The following DRAXIN variants were observed in gnomAD, a reference collection of about 807,000 sequenced individuals.
DRAXIN encodes dorsal repulsive axon guidance protein.
A neutral mutation model predicts 33.9 loss-of-function variants in DRAXIN; 27 were observed. That is an observed-to-expected ratio of 0.80 (90% confidence interval 0.59 to 1.10). The LOEUF (loss-of-function observed/expected upper bound fraction) is 1.10, where lower values mean the gene tolerates loss of function less well. Ranked by LOEUF, DRAXIN falls within the 50% of genes least tolerant of loss-of-function variation. The pLI, the probability that DRAXIN is intolerant of heterozygous loss-of-function variation, is 0.00. For missense variants in DRAXIN, 371 were observed against 460.8 expected (o/e 0.81, Z 1.78); for synonymous variants, 178 against 194.0 (o/e 0.92, Z 0.69).
intron 6 of DRAXIN, 72 bp from the exon 7 acceptor site, chr1:11,719,512 A>AGC: frequency 7.4e-7 from 1 of 1,345,174 alleles, no homozygotes. Flanking sequence ...GCTGGCCCCG[A>AGC]GCGTGCAGGG....
At chr1:11,707,788 C>T (rs1158568141) in intron 2 of DRAXIN, among the ~76,000 whole-genome samples, 1 of 152,218 alleles carries the variant, frequency 6.6e-6, no homozygotes, top group Non-Finnish European at 1.5e-5. Context: ...AGGCTTCCCC[C>T]TCCCCGTGCC....
rs1641098440 is a variant in DRAXIN, at chr1:11,692,719, GCC to G, written c.-11+868_-11+869del. Among the ~76,000 whole-genome samples, 1 of 152,142 alleles carries G rather than the reference GCC, an allele frequency of 6.6e-6. No individual in the cohort carries two copies. Among genetic ancestry groups the G allele is most frequent in the Non-Finnish European group, 1.5e-5 (1 of 68,012 alleles). On this transcript the variant is annotated intron_variant, in intron 1 of 6. Coordinates refer to ENST00000294485, the MANE Select transcript of DRAXIN (RefSeq NM_198545.4). This position sits in a 1 kb window ranked among gnomAD's most constrained non-coding sequence, Gnocchi z 5.8. ...CTGCCCTATATGCTCCCTCCACGCTGCCCACCTCCCAGCCCAGTGACACACTG... is the reference window on the plus strand; with the variant it reads ...CTGCCCTATATGCTCCCTCCACGCTGCACCTCCCAGCCCAGTGACACACTG...
chr1:11,701,202 A>C (rs1431810637), intron 1 of DRAXIN, among the ~76,000 whole-genome samples: 1 of 152,134 alleles, frequency 6.6e-6, no homozygotes, highest in Non-Finnish European at 1.5e-5. Context: ...TCTCACCGCG[A>C]GGATGAGCGG....
upstream of DRAXIN, among the ~76,000 whole-genome samples, chr1:11,688,441 G>A (rs1459838592): frequency 5.3e-5 from 8 of 152,038 alleles, no homozygotes; most frequent in African/African-American, 1.9e-4. The surrounding 1 kb of genome is among the most constrained non-coding windows in gnomAD (Gnocchi z 4.6). Context: ...GGTGCCTGTA[G>A]TCACAGCTAC....
chr1:11,706,242 C>T lies in DRAXIN; in HGVS notation c.-10-7C>T. The T allele has an allele frequency of 6.4e-7, 1 of 1,565,226 alleles. No individual in the cohort carries two copies. The highest frequency in any genetic ancestry group is 1.4e-5 in the African/African-American group (1 of 73,826). ...GCTGCGCATTCATGGTGTTGCTCTT[C>T]TTGCAGGGAGGAGCCAATGGCTGGG... On this transcript the variant is annotated splice_polypyrimidine_tract_variant and splice_region_variant and intron_variant, in intron 1 of 6. Transcript: ENST00000294485. The surrounding 1 kb of genome is among the most constrained non-coding windows in gnomAD (Gnocchi z 5.5).
At chr1:11,687,601 C>A (rs564932034), upstream of DRAXIN, among the ~76,000 whole-genome samples, 2 of 152,280 alleles carry the variant, frequency 1.3e-5, no homozygotes, top group Admixed American at 1.3e-4. The surrounding 1 kb of genome is among the most constrained non-coding windows in gnomAD (Gnocchi z 4.1). Flanking sequence ...GTCTCCAACT[C>A]CTGGCTTCAA....
chr1:11,695,905 G>T (rs576362217), intron 1 of DRAXIN, among the ~76,000 whole-genome samples: 1 of 152,288 alleles, frequency 6.6e-6, no homozygotes, highest in African/African-American at 2.4e-5. Context: ...AATGGGTGGG[G>T]CCTCTGATGA....
chr1:11,702,241 GCT>G (rs150522611), intron 1 of DRAXIN, among the ~76,000 whole-genome samples: 7,398 of 143,214 alleles, frequency 0.052, 251 homozygotes, highest in South Asian at 0.097. Flanking sequence ...ACACATACAC[GCT>G]CTCACACACA....
rs1641160511 is a variant in DRAXIN at position 11,694,518 on chromosome 1, G to A, written c.-11+2665G>A. The stretch of plus-strand genomic sequence containing the variant: ...CCCAGCCGTGCAGATTGGGTTTGAA[G>A]CCCAGCTGATCACTTAGCAGCTGTG... On this transcript the variant is annotated intron_variant, in intron 1 of 6. Transcript: ENST00000294485. The surrounding 1 kb of genome is among the most constrained non-coding windows in gnomAD (Gnocchi z 4.9). Among the ~76,000 whole-genome samples the A allele has an allele frequency of 6.6e-6, 1 of 152,168 alleles. No homozygotes were observed. Among genetic ancestry groups the A allele is most frequent in the South Asian group, 2.1e-4 (1 of 4,830 alleles).
rs1246528533 is a variant in DRAXIN at position 11,692,108 on chromosome 1, T to G, written c.-11+255T>G. Among the ~76,000 whole-genome samples the G allele has an allele frequency of 6.6e-6, 1 of 152,026 alleles. No individual in the cohort carries two copies. The highest frequency in any genetic ancestry group is 1.5e-5 in the Non-Finnish European group (1 of 67,968). On this transcript the variant is annotated intron_variant, in intron 1 of 6. Coordinates refer to ENST00000294485, the MANE Select transcript of DRAXIN (RefSeq NM_198545.4). This position sits in a 1 kb window ranked among gnomAD's most constrained non-coding sequence, Gnocchi z 5.8. Reference sequence around the variant, plus strand: ...GGCTCCCCATCCGTCCACCTACCGCTGGACGCCCACTTTTCCACGCTCTGA... The same window carrying G: ...GGCTCCCCATCCGTCCACCTACCGCGGGACGCCCACTTTTCCACGCTCTGA...
intron 6 of DRAXIN, among the ~76,000 whole-genome samples, 166 bp downstream of exon 6, chr1:11,715,374 G>A (rs2100743060): frequency 6.6e-6 from 1 of 152,370 alleles, no homozygotes; most frequent in South Asian, 2.1e-4. Context: ...GGGAGCCGAA[G>A]ACGTGAGCAA....
In DRAXIN at chr1:11,705,005, G is replaced by A. The variant is rs867133403; in HGVS notation, c.-10-1244G>A. The stretch of plus-strand genomic sequence containing the variant: ...TTTCCCTGCCCTACCACCCTCCCTC[G>A]GGGTCGGGGCTAAGGTGACACTGGG... On this transcript the variant is annotated intron_variant, in intron 1 of 6. Coordinates refer to ENST00000294485, the MANE Select transcript of DRAXIN (RefSeq NM_198545.4). The surrounding 1 kb of genome is among the most constrained non-coding windows in gnomAD (Gnocchi z 4.8). 2.0e-5 allele frequency among the ~76,000 whole-genome samples: 3 copies of A among 152,288 alleles called. No homozygotes were observed. The highest frequency in any genetic ancestry group is 2.1e-4 in the South Asian group (1 of 4,826).
rs1380204944 is a variant in DRAXIN at position 11,721,781 on chromosome 1, T to C, written c.*2085T>C. ...GGGCGGACCACCTCAGGTCAGGAGTTTGAGACCAGCCTGGCCAACATGGCA... is the reference window on the plus strand; with the variant it reads ...GGGCGGACCACCTCAGGTCAGGAGTCTGAGACCAGCCTGGCCAACATGGCA... On this transcript the variant is annotated 3_prime_UTR_variant, in exon 7 of 7. Transcript: ENST00000294485. 1.3e-5 allele frequency: 2 copies of C among 152,070 alleles called. No individual in the cohort carries two copies. Among genetic ancestry groups the C allele is most frequent in the Admixed American group, 1.3e-4 (2 of 15,256 alleles). 9.4% of individuals were successfully genotyped at this position (152,070 alleles called of 1,614,324 possible).
rs1641675826 is a variant in DRAXIN, at chr1:11,722,908, C to T, written c.*3212C>T. 1.3e-5 allele frequency: 2 copies of T among 151,158 alleles called. No individual in the cohort carries two copies. Among genetic ancestry groups the T allele is most frequent in the Admixed American group, 1.3e-4 (2 of 15,126 alleles). 9.4% of individuals were successfully genotyped at this position (151,158 alleles called of 1,614,324 possible). A position where few individuals can be genotyped will look rare whatever the true frequency, so the allele number is the denominator to read the frequency against. ...GTGGCTCAGTCTCAGCTCACTGCAA[C>T]CTCTTCATCCCAGGTTCAAGCAATT... is the stretch of plus-strand genomic sequence containing the variant. On this transcript the variant is annotated 3_prime_UTR_variant, in exon 7 of 7. Coordinates refer to ENST00000294485, the MANE Select transcript of DRAXIN (RefSeq NM_198545.4).
At chr1:11,695,719 AT>A (rs1641181741) in intron 1 of DRAXIN, among the ~76,000 whole-genome samples, 2 of 152,186 alleles carry the variant, frequency 1.3e-5, no homozygotes, top group South Asian at 4.1e-4. Flanking sequence ...ACAGAGCTAA[AT>A]GGTCTAGGTA....
chr1:11,710,184 C>CAA (rs34519157), intron 3 of DRAXIN, among the ~76,000 whole-genome samples: 2 of 122,480 alleles, frequency 1.6e-5, no homozygotes, highest in Non-Finnish European at 1.7e-5. Flanking sequence ...GACTTTGTCT[C>CAA]AAAAAAAAAA....
intron 6 of DRAXIN, among the ~76,000 whole-genome samples, 172 bp from the exon 7 acceptor site, chr1:11,719,412 C>T (rs891404000): frequency 6.6e-6 from 1 of 152,328 alleles, no homozygotes; most frequent in South Asian, 2.1e-4. Context: ...TCATTCCTCC[C>T]CTCTTCCGGG....
rs1258124503 is a variant in DRAXIN, at chr1:11,711,746, G to A, written c.643-105G>A. On this transcript the variant is annotated intron_variant, in intron 3 of 6. Transcript: ENST00000294485. ...CTCCAGGCTGCCCAGCAGAGGATAAGGTGGCCTCTGAGAAGCCTCTTTTTT... is the reference window on the plus strand; with the variant it reads ...CTCCAGGCTGCCCAGCAGAGGATAAAGTGGCCTCTGAGAAGCCTCTTTTTT... 3.9e-6 allele frequency: 4 copies of A among 1,014,816 alleles called. No homozygotes were observed. In the East Asian group the frequency reaches 1.0e-4, roughly 27 times the overall value. The allele number at this position is 1,014,816 out of a possible 1,614,324, so 62.9% of individuals were successfully genotyped here.
chr1:11,689,756 A>G (rs1311665244), upstream of DRAXIN, among the ~76,000 whole-genome samples: 6 of 152,082 alleles, frequency 3.9e-5, no homozygotes, highest in South Asian at 1.2e-3. Flanking sequence ...GTCTTAATAA[A>G]CTTTTTACTC....
Sources: gnomAD v4.1 joint callset for allele counts (sites outside exome capture counted in the v4.1 genomes callset) on GRCh38, gnomAD v4.1.1 for gene constraint, Gnocchi (gnomAD v3.1) non-coding constraint, MANE v1.5 for transcripts, NCBI Gene and HGNC (gene_info 2026-07-23, HGNC 2026-07-21) for gene names.